Variants in ATXN7L1 observed in about 807,000 individuals in gnomAD.
ATXN7L1 encodes the protein ataxin 7 like 1, also known as ataxin-7-like protein 1.
ATXN7L1 carries 15 observed loss-of-function variants against 70.8 expected under a neutral mutation model. That is an observed-to-expected ratio of 0.21 (90% CI 0.14 to 0.33). The LOEUF (loss-of-function observed/expected upper bound fraction) is 0.33, where lower values mean the gene tolerates loss of function less well. Ranked by LOEUF, ATXN7L1 falls within the 10% of genes least tolerant of loss-of-function variation. ATXN7L1 has a pLI of 1.00. For synonymous variants in ATXN7L1, 440 were observed against 445.1 expected (o/e 0.99, Z 0.14); for missense variants, 975 against 1,097.1 (o/e 0.89, Z 1.57).
At chr7:105,851,124 C>G (rs212415) in intron 2 of ATXN7L1, among the ~76,000 whole-genome samples, 61,801 of 151,972 alleles carry the variant, frequency 0.41, 13,230 homozygotes, top group African/African-American at 0.49. Context: ...CAGACCTGCC[C>G]TCTCCTCCAG....
At chr7:105,615,374 G>C (rs918184701) in intron 9 of ATXN7L1, among the ~76,000 whole-genome samples, 27 of 152,308 alleles carry the variant, frequency 1.8e-4, no homozygotes, top group African/African-American at 6.3e-4. Context: ...GGCAGTTGGG[G>C]AACGGCCCTC....
rs992249852 is a variant in ATXN7L1 at position 105,604,841 on chromosome 7, G to A, written c.*3011C>T. On this transcript the variant is annotated 3_prime_UTR_variant, in exon 12 of 12. Transcript: ENST00000419735. ...AGCTACGTAAAACCCACAGAGTTTTGTTAAAGTGCCATGGGCCGACAGCAT... is the reference window on the plus strand; with the variant it reads ...AGCTACGTAAAACCCACAGAGTTTTATTAAAGTGCCATGGGCCGACAGCAT... 6.6e-6 allele frequency among the ~76,000 whole-genome samples: 1 copy of A among 152,126 alleles called. No individual in the cohort carries two copies. Among genetic ancestry groups the A allele is most frequent in the Non-Finnish European group, 1.5e-5 (1 of 68,018 alleles).
At chr7:105,793,551 G>A (rs866504811) in intron 2 of ATXN7L1, among the ~76,000 whole-genome samples, 1 of 152,192 alleles carries the variant, frequency 6.6e-6, no homozygotes, top group Non-Finnish European at 1.5e-5. Context: ...GTGTGTGTAT[G>A]TGCACATGTG....
chr7:105,724,380 T>C (rs561240927), intron 3 of ATXN7L1, among the ~76,000 whole-genome samples: 30 of 151,398 alleles, frequency 2.0e-4, no homozygotes, highest in African/African-American at 6.5e-4. Flanking sequence ...TTGAGACCAG[T>C]CTGGCCAACG....
At chr7:105,791,116 C>T (rs1248652964) in intron 2 of ATXN7L1, among the ~76,000 whole-genome samples, 1 of 152,230 alleles carries the variant, frequency 6.6e-6, no homozygotes, top group African/African-American at 2.4e-5. Flanking sequence ...GGGTGAGGCC[C>T]CCACTTGCCC....
intron 10 of ATXN7L1, among the ~76,000 whole-genome samples, chr7:105,611,435 G>A (rs536068003): frequency 6.6e-6 from 1 of 152,322 alleles, no homozygotes; most frequent in South Asian, 2.1e-4. Flanking sequence ...GCAGTGGCAC[G>A]ATCTTGGCTC....
intron 4 of ATXN7L1, chr7:105,649,431 G>A: frequency 1.0e-6 from 1 of 987,738 alleles, no homozygotes; most frequent in Non-Finnish European, 1.2e-6. Flanking sequence ...TGCTGCTTTA[G>A]TTGCCCACGT....
chr7:105,761,130 G>T (rs995679285), intron 3 of ATXN7L1: 3 of 1,177,680 alleles, frequency 2.5e-6, no homozygotes, highest in Non-Finnish European at 3.2e-6. Context: ...GGGAATTGAT[G>T]GCAGCTTAGA....
chr7:105,679,958 C>T (rs987107132), intron 3 of ATXN7L1, among the ~76,000 whole-genome samples: 2 of 151,678 alleles, frequency 1.3e-5, no homozygotes, highest in Admixed American at 6.6e-5. Flanking sequence ...ACGCTTTGCG[C>T]ATCTTTATCT....
chr7:105,752,611 C>T lies in ATXN7L1; in HGVS notation c.355+35993G>A, dbSNP rs574102421. 1.6e-4 allele frequency among the ~76,000 whole-genome samples: 25 copies of T among 152,344 alleles called. 1 individual carries two copies. In the South Asian group the frequency reaches 1.7e-3, roughly 10 times the overall value. On this transcript the variant is annotated intron_variant, in intron 3 of 11. Transcript: ENST00000419735. ...AACATGTAGTTGAGGCTGAGAAGCA[C>T]TGGCTGTCAACTGTCACGTGGATGT...
chr7:105,714,427 C>G (rs761950511), intron 3 of ATXN7L1, among the ~76,000 whole-genome samples: 1 of 152,186 alleles, frequency 6.6e-6, no homozygotes. Context: ...GCTGAATATA[C>G]CTATACTAGA....
chr7:105,639,339 T>C (rs572484096), intron 6 of ATXN7L1, 148 bp downstream of exon 6: 2 of 494,620 alleles, frequency 4.0e-6, no homozygotes, highest in Non-Finnish European at 7.1e-6. Flanking sequence ...TCTGCTACCA[T>C]GGACGAGAAG....
chr7:105,876,536 A>C lies in ATXN7L1; in HGVS notation c.23T>G (p.Ile8Ser). The change falls in exon 1 of 12, where the codon ATC (isoleucine) becomes AGC (serine). Residue 8 changes from isoleucine to serine, a missense_variant. Physicochemically the swap from Ile to Ser is moderately radical, Grantham distance 142. Transcript: ENST00000419735. The stretch of plus-strand genomic sequence containing the variant: ...GGCAGCAGCAGCCGAGAGACACGGG[A>C]TTCGAGAACGCTCCGACGTCATCTT... The part of the protein sequence containing the change: MTSERSR[I>S]PCLSAAAAEG... 7.2e-7 allele frequency: 1 copy of C among 1,384,626 alleles called. No homozygotes were observed. Among genetic ancestry groups the C allele is most frequent in the Non-Finnish European group, 9.7e-7 (1 of 1,034,964 alleles). The allele number at this position is 1,384,626 out of a possible 1,614,324, so 85.8% of individuals were successfully genotyped here. A position where few individuals can be genotyped will look rare whatever the true frequency, so the allele number is the denominator to read the frequency against.
chr7:105,717,216 C>G (rs998714393), intron 3 of ATXN7L1, among the ~76,000 whole-genome samples: 2 of 152,170 alleles, frequency 1.3e-5, no homozygotes, highest in African/African-American at 4.8e-5. Context: ...CAACCTCCAC[C>G]TCCTGGGTTC....
At chr7:105,766,190 T>C (rs1174791495) in intron 3 of ATXN7L1, among the ~76,000 whole-genome samples, 1 of 150,270 alleles carries the variant, frequency 6.7e-6, no homozygotes, top group Non-Finnish European at 1.5e-5. Context: ...CTTCTGCCTA[T>C]TGCATCCTTG....
chr7:105,743,846 G>A (rs983162491), intron 3 of ATXN7L1, among the ~76,000 whole-genome samples: 3 of 152,168 alleles, frequency 2.0e-5, no homozygotes, highest in South Asian at 2.1e-4. Context: ...TTGCATCTGC[G>A]AAAATTATGC....
chr7:105,670,441 C>T (rs976633758), intron 3 of ATXN7L1, among the ~76,000 whole-genome samples: 5 of 152,194 alleles, frequency 3.3e-5, no homozygotes, highest in Admixed American at 2.6e-4. Context: ...AGAAAAAGAG[C>T]ACTTTCCTCT....
chr7:105,874,329 CTCA>C (rs1266118525), intron 2 of ATXN7L1, among the ~76,000 whole-genome samples: 1 of 152,086 alleles, frequency 6.6e-6, no homozygotes, highest in Non-Finnish European at 1.5e-5. Flanking sequence ...TTTCCACAGC[CTCA>C]TCATCTTTTA....
intron 2 of ATXN7L1, among the ~76,000 whole-genome samples, chr7:105,856,792 A>AGT (rs1282942443): frequency 6.6e-6 from 1 of 151,788 alleles, no homozygotes; most frequent in African/African-American, 2.4e-5. Flanking sequence ...GCACCCAAAA[A>AGT]GTGTGTGTGT....
Sources: gnomAD v4.1 joint callset for allele counts (sites outside exome capture counted in the v4.1 genomes callset) on GRCh38, gnomAD v4.1.1 for gene constraint, MANE v1.5 for transcripts, NCBI Gene and HGNC (gene_info 2026-07-23, HGNC 2026-07-21) for gene names.